LRRC56: variants seen among roughly 807,000 people sequenced by gnomAD.
The protein encoded by LRRC56 is leucine-rich repeat-containing protein 56.
Under a neutral mutation model 47.8 loss-of-function variants are expected in LRRC56, and 41 were observed. That is an observed-to-expected ratio of 0.86 (90% CI 0.67 to 1.11). The LOEUF (loss-of-function observed/expected upper bound fraction) is 1.11, where lower values mean the gene tolerates loss of function less well. Ranked by LOEUF, LRRC56 falls within the 50% of genes most tolerant of loss-of-function variation. The pLI is 0.00. For synonymous variants in LRRC56, 387 were observed against 311.2 expected (o/e 1.24, Z -2.56); for missense variants, 759 against 704.2 (o/e 1.08, Z -0.88).
the LRRC56 span, chr11:532,522 G>C: frequency 7.7e-6 from 11 of 1,421,254 alleles, no homozygotes; most frequent in Non-Finnish European, 9.6e-6. Flanking sequence ...CTGAGCTTGT[G>C]CTGGGCGGGG....
intron 6 of LRRC56, among the ~76,000 whole-genome samples, chr11:547,309 G>A (rs889119266): frequency 3.6e-5 from 5 of 137,552 alleles, no homozygotes; most frequent in Non-Finnish European, 6.2e-5. Context: ...TAATGGAGAT[G>A]GCTGTACTTT....
chr11:543,381 A>G (rs890200413), intron 5 of LRRC56, among the ~76,000 whole-genome samples: 1 of 149,220 alleles, frequency 6.7e-6, no homozygotes, highest in Non-Finnish European at 1.5e-5. Flanking sequence ...CGCCCGAGTA[A>G]TTTTTGTATT....
chr11:546,664 A>G (rs937547064), intron 6 of LRRC56, among the ~76,000 whole-genome samples: 32 of 152,204 alleles, frequency 2.1e-4, no homozygotes, highest in African/African-American at 7.7e-4. Flanking sequence ...ACTGGAACAG[A>G]GAGGGGCCTG....
the LRRC56 span, among the ~76,000 whole-genome samples, chr11:526,483 C>T: frequency 1.3e-5 from 2 of 152,174 alleles, no homozygotes; most frequent in African/African-American, 4.8e-5. Context: ...CCAGCAACCC[C>T]GCCCCCAGTG....
At chr11:532,848 C>T (rs1471048243), upstream of LRRC56, 1 of 1,247,650 alleles carries the variant, frequency 8.0e-7, no homozygotes, top group Non-Finnish European at 1.1e-6. Context: ...CTTGCCTGGC[C>T]CGAAGCTCCC....
At chr11:534,314 T>C, upstream of LRRC56, 1 of 1,612,460 alleles carries the variant, frequency 6.2e-7, no homozygotes, top group Non-Finnish European at 8.5e-7. Flanking sequence ...CCAGCTTATA[T>C]TCCGTCATCG....
chr11:543,231 T>G (rs1851894709), intron 5 of LRRC56, among the ~76,000 whole-genome samples: 2 of 151,060 alleles, frequency 1.3e-5, no homozygotes, highest in African/African-American at 4.9e-5. Flanking sequence ...TTGTTTTTTT[T>G]AAGACAGAGT....
chr11:534,010 C>T (rs2133992632), upstream of LRRC56: 1 of 1,543,242 alleles, frequency 6.5e-7, no homozygotes, highest in East Asian at 2.2e-5. Context: ...CACAGCCAGC[C>T]TCTCCCTGGT....
chr11:549,504 G>A (rs185682685), intron 6 of LRRC56, among the ~76,000 whole-genome samples: 9 of 152,324 alleles, frequency 5.9e-5, no homozygotes, highest in African/African-American at 1.7e-4. Context: ...CCCCCACATC[G>A]GTGTCCAGGG....
intron 6 of LRRC56, 62 bp downstream of exon 6, chr11:544,842 T>C (rs1372337365): frequency 4.0e-6 from 3 of 744,120 alleles, no homozygotes; most frequent in African/African-American, 5.2e-5. Context: ...GGACAGGCCC[T>C]GCAGGGATGG....
rs201964544 is a variant in LRRC56 at position 551,982 on chromosome 11, G to T, written c.1038+15G>T. On this transcript the variant is annotated intron_variant, in intron 11 of 13. Coordinates refer to ENST00000270115, the MANE Select transcript of LRRC56 (RefSeq NM_198075.4). ...ACCAGTGCCAGGTACAGCCCACAGG[G>T]ACCAGCCCCCCACGAGAACCAGTGT... 91 of 1,612,378 alleles carry T rather than the reference G, an allele frequency of 5.6e-5. No individual in the cohort carries two copies. The African/African-American group carries it at 1.1e-3, about 19-fold the overall frequency.
the LRRC56 span, among the ~76,000 whole-genome samples, chr11:519,011 CG>C: frequency 6.6e-6 from 1 of 152,178 alleles, no homozygotes; most frequent in African/African-American, 2.4e-5. Context: ...AGGCGCCGCA[CG>C]GGGGAGGCTT....
At chr11:533,924 C>T (rs1391678157), upstream of LRRC56, 2 of 1,612,470 alleles carry the variant, frequency 1.2e-6, no homozygotes, top group East Asian at 2.2e-5. Flanking sequence ...CATCAATGAC[C>T]ACCTGCTTCC....
Position 551,913 on chromosome 11 carries a change from A to G in LRRC56, c.984A>G (p.Gln328=), listed in dbSNP as rs1386350127. The change falls in exon 11 of 14, where the codon CAA becomes CAG. Residue 328 remains glutamine (Q), a synonymous_variant. Coordinates refer to ENST00000270115, the MANE Select transcript of LRRC56 (RefSeq NM_198075.4). ...NTSSLTHGAG[Q]VLCGNPTKGL... is the part of the protein sequence containing the mutation. ...TGCTGTCTCTTGCAGGTGCTGGCCAAGTCCTCTGTGGGAACCCCACCAAGG... is the reference window on the plus strand; with the variant it reads ...TGCTGTCTCTTGCAGGTGCTGGCCAGGTCCTCTGTGGGAACCCCACCAAGG... 7 of 1,612,636 alleles carry G rather than the reference A, an allele frequency of 4.3e-6. No individual in the cohort carries two copies. The highest frequency in any genetic ancestry group is 5.1e-6 in the Non-Finnish European group (6 of 1,179,856).
chr11:542,580 C>CAAAAAAAAAAAAAAAAAAAAAAAAAAA (rs71022928), intron 5 of LRRC56, among the ~76,000 whole-genome samples: 1 of 26,000 alleles, frequency 3.8e-5, no homozygotes, highest in Non-Finnish European at 6.4e-5. Flanking sequence ...AACCCTGTCG[C>CAAAAAAAAAAAAAAAAAAAAAAAAAAA]AAAAAAAAAA....
rs1169420459 is a variant in LRRC56, at chr11:544,727, C to T, written c.273C>T (p.His91=). The change falls in exon 6 of 14, where the codon CAC becomes CAT. Residue 91 remains histidine (H), a synonymous_variant. Transcript: ENST00000270115. ...CCTCCTGTGGCCATACAGGGGTGCA[C>T]CTGCCCAACCTGGACCAACTGAAGC... The part of the protein sequence containing the change: ...REGSLGNFGV[H]LPNLDQLKLN... 1.2e-6 allele frequency: 2 copies of T among 1,612,602 alleles called. No individual in the cohort carries two copies. The highest frequency in any genetic ancestry group is 1.7e-6 in the Non-Finnish European group (2 of 1,179,910).
chr11:517,622 T>G, the LRRC56 span, among the ~76,000 whole-genome samples: 1 of 147,354 alleles, frequency 6.8e-6, no homozygotes. Flanking sequence ...AGGTGAGGAG[T>G]GCCTCTGCCA....
the LRRC56 span, among the ~76,000 whole-genome samples, chr11:509,187 T>C: frequency 6.6e-6 from 1 of 152,162 alleles, no homozygotes; most frequent in African/African-American, 2.4e-5. Context: ...GACCAGTAGC[T>C]GATTCTTTAA....
the LRRC56 span, among the ~76,000 whole-genome samples, chr11:527,698 A>ATTTTT: frequency 9.0e-6 from 1 of 111,554 alleles, no homozygotes; most frequent in African/African-American, 3.6e-5. Flanking sequence ...CGCCCGGCTA[A>ATTTTT]TTTTTTTTTT....
Sources: allele counts gnomAD v4.1 joint callset (sites outside exome capture counted in the v4.1 genomes callset), GRCh38; gene constraint gnomAD v4.1.1; transcripts MANE v1.5; gene names NCBI Gene and HGNC (gene_info 2026-07-23, HGNC 2026-07-21).